The following PLA1A variants were observed in gnomAD, a reference collection of about 807,000 sequenced individuals.
PLA1A encodes the protein phosphatidylserine-specific phospholipase A1alpha.
A neutral mutation model predicts 49.4 loss-of-function variants in PLA1A; 47 were observed. The observed-to-expected ratio is 0.95, with a 90% confidence interval of 0.75 to 1.21. The LOEUF is 1.21. Ranked by LOEUF, PLA1A falls within the 50% of genes most tolerant of loss-of-function variation. The probability of loss-of-function intolerance (pLI) is 0.00; values close to 1 mark genes in which losing one functional copy is unlikely to be tolerated. For synonymous variants in PLA1A, 224 were observed against 207.9 expected (o/e 1.08, Z -0.67); for missense variants, 561 against 563.9 (o/e 0.99, Z 0.05).
intron 1 of PLA1A, chr3:119,600,181 G>A (rs2082598583): frequency 1.8e-6 from 1 of 560,946 alleles, no homozygotes; most frequent in Admixed American, 3.0e-5. Flanking sequence ...GTCACACAAG[G>A]GCAGTAGCTG....
At chr3:119,626,488 G>A (rs2052540950) in intron 9 of PLA1A, among the ~76,000 whole-genome samples, 2 of 152,194 alleles carry the variant, frequency 1.3e-5, no homozygotes, top group African/African-American at 2.4e-5. Context: ...GACACCTCTG[G>A]TGTGTCTGGA....
chr3:119,608,056 C>T (rs1577140081), intron 2 of PLA1A, among the ~76,000 whole-genome samples: 1 of 152,186 alleles, frequency 6.6e-6, no homozygotes, highest in Admixed American at 6.5e-5. Flanking sequence ...GGGACTATAT[C>T]TTATTTGTCT....
intron 8 of PLA1A, 152 bp downstream of exon 8, chr3:119,619,804 A>G (rs2082904172): frequency 1.5e-6 from 1 of 655,634 alleles, no homozygotes; most frequent in Non-Finnish European, 2.8e-6. Flanking sequence ...AAACTTTCAG[A>G]GTGAGTCCAA....
chr3:119,602,561 C>T (rs2082631513), intron 1 of PLA1A, among the ~76,000 whole-genome samples: 1 of 152,068 alleles, frequency 6.6e-6, no homozygotes, highest in Non-Finnish European at 1.5e-5. Context: ...ATCAAAAGTA[C>T]ATCTAGCTCA....
chr3:119,598,110 T>A (rs963515502), intron 1 of PLA1A, 124 bp downstream of exon 1: 9 of 560,484 alleles, frequency 1.6e-5, no homozygotes, highest in African/African-American at 1.6e-4. Context: ...CTGAGGTGAA[T>A]TTAAAACAGT....
chr3:119,613,939 G>A (rs2082807246), intron 5 of PLA1A, among the ~76,000 whole-genome samples: 2 of 151,998 alleles, frequency 1.3e-5, no homozygotes, highest in Non-Finnish European at 1.5e-5. Context: ...GACAGGCACA[G>A]GAAAGACTCC....
In PLA1A at chr3:119,606,899, G is replaced by A. The variant is rs758895921; in HGVS notation, c.199G>A (p.Val67Ile). ...TTCGAATCCTAGCTGTGGGCAGCTA[G>A]TAGAAGGAAGCAGTGACCTCCAAAA... ...VPSNPSCGQL[V>I]EGSSDLQNSG... is the part of the protein sequence containing the mutation. Residue 67 changes from valine to isoleucine, a missense_variant, in exon 2 of 11, where the codon GTA becomes ATA. Coordinates refer to ENST00000273371, the MANE Select transcript of PLA1A (RefSeq NM_015900.4). The A allele has an allele frequency of 6.2e-7, 1 of 1,614,174 alleles. No homozygotes were observed. The highest frequency in any genetic ancestry group is 1.1e-5 in the South Asian group (1 of 91,084).
chr3:119,620,316 A>G (rs1577151372), intron 8 of PLA1A: 1 of 338,530 alleles, frequency 3.0e-6, no homozygotes, highest in East Asian at 8.2e-5. Flanking sequence ...AGGATAAAGT[A>G]TGCCGGCTTG....
chr3:119,600,273 T>C (rs2082600019), intron 1 of PLA1A: 1 of 648,034 alleles, frequency 1.5e-6, no homozygotes, highest in Non-Finnish European at 2.8e-6. Flanking sequence ...ACAACCCCAG[T>C]CACACCTAGT....
chr3:119,606,690 C>A, intron 1 of PLA1A, 84 bp from the exon 2 acceptor site: 2 of 1,081,020 alleles, frequency 1.9e-6, no homozygotes, highest in South Asian at 1.4e-5. Context: ...CTGTTTCTTG[C>A]TTCCTTCCAA....
intron 6 of PLA1A, 85 bp downstream of exon 6, chr3:119,616,186 G>C (rs2082846696): frequency 2.5e-6 from 2 of 791,242 alleles, no homozygotes; most frequent in Admixed American, 2.0e-5. Flanking sequence ...AGCCAGAGTG[G>C]GCCATAGAGG....
At chr3:119,612,975 G>T in intron 4 of PLA1A, 42 bp from the exon 5 acceptor site, 1 of 1,290,992 alleles carries the variant, frequency 7.7e-7, no homozygotes, top group Non-Finnish European at 1.1e-6. Context: ...TGTTCCTGCA[G>T]CTGAGAGGAA....
Position 119,618,035 on chromosome 3 carries a change from CT to C in PLA1A, c.772del (p.Cys258ValfsTer4). 1.2e-6 allele frequency: 2 copies of C among 1,612,404 alleles called. No homozygotes were observed. Among genetic ancestry groups the C allele is most frequent in the Non-Finnish European group, 1.7e-6 (2 of 1,179,218 alleles). On this transcript the variant is annotated frameshift_variant, in exon 7 of 11. Coordinates refer to ENST00000273371, the MANE Select transcript of PLA1A (RefSeq NM_015900.4). LOFTEE classifies it high-confidence loss of function. ...TCTGTTCAGGTTATAGTTATCTGAT[CT>C]GTGATCACATGAGGGCTGTGCACCT... ...FFYAGYSYLICDHMRAVHLYI... is the reference protein window; with the variant it reads ...FFYAGYSYLIXDHMRAVHLYI...
intron 9 of PLA1A, among the ~76,000 whole-genome samples, chr3:119,626,971 G>A (rs1055667508): frequency 6.6e-6 from 1 of 152,108 alleles, no homozygotes; most frequent in African/African-American, 2.4e-5. Context: ...ACACTGGCAG[G>A]AGTCATGAAA....
chr3:119,629,321 C>A, intron 10 of PLA1A, 63 bp from the exon 11 acceptor site: 1 of 924,190 alleles, frequency 1.1e-6, no homozygotes, highest in Non-Finnish European at 1.8e-6. Context: ...AATTCAAAAG[C>A]CACACAATGC....
intron 1 of PLA1A, chr3:119,598,670 G>T (rs182272680): frequency 6.6e-6 from 1 of 152,316 alleles, no homozygotes; most frequent in African/African-American, 2.4e-5. Flanking sequence ...ACTCACAATA[G>T]CAGGCTGCTT....
At chr3:119,600,898 C>A (rs764496226) in intron 1 of PLA1A, among the ~76,000 whole-genome samples, 12 of 152,234 alleles carry the variant, frequency 7.9e-5, no homozygotes, top group Non-Finnish European at 1.5e-4. Flanking sequence ...GTGACACCAG[C>A]CTCTGTAAGG....
At chr3:119,625,338 A>C (rs1044057511) in intron 9 of PLA1A, 106 bp downstream of exon 9, 32 of 724,852 alleles carry the variant, frequency 4.4e-5, no homozygotes, top group Non-Finnish European at 7.0e-5. Flanking sequence ...TTGCTGATGC[A>C]TGGGCCCAGC....
Position 119,602,898 on chromosome 3 carries a change from G to T in PLA1A, c.74-3876G>T, listed in dbSNP as rs555897254. On this transcript the variant is annotated intron_variant, in intron 1 of 10. Transcript: ENST00000273371. ...TGACAAGCAAAGACTTGAAGGAGGG[G>T]AAGGAACTGCCATGTAGATACATAA... Among the ~76,000 whole-genome samples the T allele has an allele frequency of 1.4e-4, 22 of 152,238 alleles. No individual in the cohort carries two copies. In the South Asian group the frequency reaches 4.1e-3, roughly 29 times the overall value.
Sources: gnomAD v4.1 joint callset for allele counts (sites outside exome capture counted in the v4.1 genomes callset) on GRCh38, gnomAD v4.1.1 for gene constraint, MANE v1.5 for transcripts, NCBI Gene and HGNC (gene_info 2026-07-23, HGNC 2026-07-21) for gene names.